Variants in ADGRL2 observed in about 807,000 individuals in gnomAD.
ADGRL2 encodes adhesion G protein-coupled receptor L2, also known as calcium-independent alpha-latrotoxin receptor 2.
ADGRL2 carries 44 observed loss-of-function variants against 157.4 expected under a neutral mutation model. The observed-to-expected ratio is 0.28, with a 90% CI of 0.22 to 0.36. ADGRL2 has a LOEUF of 0.36. Among genes scored for constraint, ADGRL2 ranks in the 10% least tolerant of loss-of-function variants. ADGRL2 has a pLI of 1.00. For missense variants in ADGRL2, 1,510 were observed against 1,768.9 expected, an observed-to-expected ratio of 0.85 and a Z score of 2.63; for synonymous variants, 585 against 624.7, an observed-to-expected ratio of 0.94 and a Z score of 0.95.
At chr1:81,442,955 G>T (rs529444109) in intron 1 of ADGRL2, among the ~76,000 whole-genome samples, 2 of 152,094 alleles carry the variant, frequency 1.3e-5, no homozygotes, top group Non-Finnish European at 2.9e-5. Context: ...AAAATTATTG[G>T]TCTCCAAAAA....
rs930103197 is a variant in ADGRL2 at position 81,859,480 on chromosome 1, T to C, written c.73+22423T>C. On this transcript the variant is annotated intron_variant, in intron 2 of 23. Transcript: ENST00000686636. Reference sequence around the variant, plus strand: ...GGTGTGCAGTGGCATGATTTCTGCCTACTGCAACCTCCACCTTCTGGGCTC... The same window carrying C: ...GGTGTGCAGTGGCATGATTTCTGCCCACTGCAACCTCCACCTTCTGGGCTC... 7.4e-5 allele frequency among the ~76,000 whole-genome samples: 11 copies of C among 149,046 alleles called. No homozygotes were observed. The East Asian group carries it at 2.2e-3, about 29-fold the overall frequency.
chr1:81,421,580 C>T (rs2077125335), intron 1 of ADGRL2, among the ~76,000 whole-genome samples: 1 of 152,160 alleles, frequency 6.6e-6, no homozygotes, highest in African/African-American at 2.4e-5. Flanking sequence ...AGGTGCTTTG[C>T]TCCTCTGTGG....
upstream of ADGRL2, among the ~76,000 whole-genome samples, chr1:81,796,568 C>T (rs1050283353): frequency 6.6e-6 from 1 of 152,018 alleles, no homozygotes; most frequent in African/African-American, 2.4e-5. Context: ...TGAAGAATAT[C>T]GTTTTAAATT....
chr1:81,665,923 T>G (rs1570775553), intron 3 of ADGRL2, among the ~76,000 whole-genome samples: 1 of 152,274 alleles, frequency 6.6e-6, no homozygotes, highest in East Asian at 1.9e-4. Flanking sequence ...AAAAGTGTTC[T>G]CGTGAATGAG....
At chr1:81,673,510 ATTTTTTTT>A (rs35732882) in intron 3 of ADGRL2, among the ~76,000 whole-genome samples, 1 of 100,154 alleles carries the variant, frequency 1.0e-5, no homozygotes, top group African/African-American at 4.0e-5. Context: ...TGTGCCTTCT[ATTTTTTTT>A]TTTTTTTTTT....
upstream of ADGRL2, among the ~76,000 whole-genome samples, chr1:81,698,151 T>G (rs1252180878): frequency 1.3e-5 from 2 of 152,138 alleles, no homozygotes; most frequent in African/African-American, 4.8e-5. Context: ...AGGATTAAAT[T>G]TATCCTCAGA....
chr1:81,984,789 CTAAT>C, intron 20 of ADGRL2, 78 bp downstream of exon 20: 1 of 1,428,026 alleles, frequency 7.0e-7, no homozygotes, highest in African/African-American at 1.4e-5. Flanking sequence ...TTCAGATGCA[CTAAT>C]TGTCTTCTCA....
intron 1 of ADGRL2, among the ~76,000 whole-genome samples, chr1:81,345,333 A>G (rs1254862968): frequency 6.6e-6 from 1 of 152,194 alleles, no homozygotes; most frequent in Non-Finnish European, 1.5e-5. Context: ...CGCTTATCCA[A>G]GGTGATACAT....
At chr1:81,889,255 T>A (rs2094204043) in intron 2 of ADGRL2, among the ~76,000 whole-genome samples, 1 of 152,258 alleles carries the variant, frequency 6.6e-6, no homozygotes, top group South Asian at 2.1e-4. Context: ...TCTCGGCCTC[T>A]TGTGCCAGTT....
chr1:81,918,113 A>G (rs994255951), intron 3 of ADGRL2, among the ~76,000 whole-genome samples: 10 of 152,138 alleles, frequency 6.6e-5, no homozygotes, highest in African/African-American at 1.2e-4. Flanking sequence ...GTTAAATTCA[A>G]TCTAGGTTTA....
intron 1 of ADGRL2, among the ~76,000 whole-genome samples, chr1:81,824,044 C>T (rs1055521074): frequency 1.3e-5 from 2 of 151,724 alleles, no homozygotes; most frequent in South Asian, 2.1e-4. Flanking sequence ...AAGTGATAAG[C>T]GAAAGTCATG....
At chr1:81,342,030 G>C (rs1397267360) in intron 1 of ADGRL2, among the ~76,000 whole-genome samples, 3 of 152,094 alleles carry the variant, frequency 2.0e-5, no homozygotes, top group Non-Finnish European at 2.9e-5. Context: ...GTGTCTGTGA[G>C]TGGAACTAGA....
At chr1:81,394,747 A>G (rs2076624120) in intron 1 of ADGRL2, among the ~76,000 whole-genome samples, 1 of 152,136 alleles carries the variant, frequency 6.6e-6, no homozygotes, top group Non-Finnish European at 1.5e-5. Flanking sequence ...GTGCCAGATC[A>G]TATGGTATCT....
intron 1 of ADGRL2, among the ~76,000 whole-genome samples, chr1:81,813,420 T>C (rs528328467): frequency 1.4e-4 from 21 of 151,830 alleles, no homozygotes; most frequent in African/African-American, 4.6e-4. Context: ...AAAAGTCACA[T>C]TGTTACTGTG....
chr1:81,427,181 G>A (rs1407307835), intron 1 of ADGRL2: 4 of 948,582 alleles, frequency 4.2e-6, no homozygotes, highest in Non-Finnish European at 1.7e-6. Context: ...TCGAGGTGGT[G>A]GAGGTAATTT....
chr1:81,733,200 C>T (rs980318387), intron 1 of ADGRL2, among the ~76,000 whole-genome samples: 5 of 152,192 alleles, frequency 3.3e-5, no homozygotes, highest in Non-Finnish European at 7.3e-5. Flanking sequence ...TGTGAAGAGT[C>T]AGCTTCAATG....
intron 2 of ADGRL2, among the ~76,000 whole-genome samples, chr1:81,563,623 CT>C (rs200916602): frequency 6.6e-6 from 1 of 152,034 alleles, no homozygotes; most frequent in African/African-American, 2.4e-5. Flanking sequence ...AAAACTCACT[CT>C]TTTTTTGTTT....
At chr1:81,612,204 C>T (rs2081556392) in intron 3 of ADGRL2, among the ~76,000 whole-genome samples, 1 of 152,124 alleles carries the variant, frequency 6.6e-6, no homozygotes, top group South Asian at 2.1e-4. Context: ...GGTGATGCAG[C>T]TGGCCCACAC....
chr1:81,511,369 T>C (rs1425029561), intron 2 of ADGRL2, among the ~76,000 whole-genome samples: 18 of 133,118 alleles, frequency 1.4e-4, no homozygotes, highest in Non-Finnish European at 2.0e-4. Context: ...CAGCAAGACC[T>C]TGTCTCAGAA....
Sources: gnomAD v4.1 joint callset for allele counts (sites outside exome capture counted in the v4.1 genomes callset) on GRCh38, gnomAD v4.1.1 for gene constraint, MANE v1.5 for transcripts, NCBI Gene and HGNC (gene_info 2026-07-23, HGNC 2026-07-21) for gene names.